The following TMEM63B variants were observed in gnomAD, a reference collection of about 807,000 sequenced individuals.
TMEM63B encodes the protein mechanosensitive cation channel TMEM63B.
A neutral mutation model predicts 102.6 loss-of-function variants in TMEM63B; 23 were observed. That is an observed-to-expected ratio of 0.22 (90% CI 0.16 to 0.32). The LOEUF is 0.32. Among genes scored for constraint, TMEM63B ranks in the 10% least tolerant of loss-of-function variants. TMEM63B has a pLI of 1.00. For missense variants in TMEM63B, 628 were observed against 1,095.9 expected, an observed-to-expected ratio of 0.57 and a Z score of 6.03; for synonymous variants, 444 against 437.0, an observed-to-expected ratio of 1.02 and a Z score of -0.20.
chr6:44,131,042 C>T (rs1392440375), intron 1 of TMEM63B, among the ~76,000 whole-genome samples: 4 of 151,846 alleles, frequency 2.6e-5, no homozygotes, highest in South Asian at 4.2e-4. Flanking sequence ...CTCAGCCTCC[C>T]GAGTAGCTGG....
chr6:44,141,804 A>C (rs1189397744), intron 10 of TMEM63B, among the ~76,000 whole-genome samples: 1 of 152,202 alleles, frequency 6.6e-6, no homozygotes, highest in African/African-American at 2.4e-5. Context: ...GTCATAAGTT[A>C]CTGTGGTGGG....
At chr6:44,142,092 C>A (rs1764383292) in intron 10 of TMEM63B, among the ~76,000 whole-genome samples, 1 of 150,456 alleles carries the variant, frequency 6.6e-6, no homozygotes, top group Non-Finnish European at 1.5e-5. Flanking sequence ...TGCACTCCAG[C>A]CTGGGTGACA....
chr6:44,153,158 A>G (rs1767135137), intron 20 of TMEM63B, among the ~76,000 whole-genome samples: 1 of 152,202 alleles, frequency 6.6e-6, no homozygotes, highest in South Asian at 2.1e-4. Flanking sequence ...TGACTTGGCC[A>G]GGTCTCTCTT....
chr6:44,142,101 C>T (rs1193455250), intron 10 of TMEM63B, among the ~76,000 whole-genome samples: 2 of 150,588 alleles, frequency 1.3e-5, no homozygotes, highest in Non-Finnish European at 3.0e-5. Flanking sequence ...GCCTGGGTGA[C>T]AGAGCAAGAC....
chr6:44,153,994 T>C lies in TMEM63B; in HGVS notation c.2111-79T>C. On this transcript the variant is annotated intron_variant, in intron 21 of 23. Transcript: ENST00000323267. ...CTGTAGCACCTGGGAGAGTGAGGAC[T>C]GCATTCAGAGGGTATCAGAAGCTGG... is the stretch of plus-strand genomic sequence containing the variant. The C allele has an allele frequency of 1.9e-6, 3 of 1,561,300 alleles. No individual in the cohort carries two copies. The South Asian group carries it at 3.4e-5, about 18-fold the overall frequency.
At chr6:44,136,539 T>C (rs1762990966) in intron 5 of TMEM63B, 100 bp downstream of exon 5, 1 of 835,142 alleles carries the variant, frequency 1.2e-6, no homozygotes, top group Admixed American at 2.1e-5. Flanking sequence ...TCAGGGATGC[T>C]GGTTTGGCCT....
Position 44,138,736 on chromosome 6 carries a change from G to GTCCCCCCCCCCCCCCCCC in TMEM63B, c.407+219_407+220insTCCCCCCCCCCCCCCCCC, listed in dbSNP as rs567563400. On this transcript the variant is annotated intron_variant, in intron 6 of 23. Coordinates refer to ENST00000323267, the MANE Select transcript of TMEM63B (RefSeq NM_018426.3). ...TAATCTCCTCTGTGACCCCCTGCCG[G>GTCCCCCCCCCCCCCCCCC]CCCCCCCGCTTCTCTCCCTGCCCTG... 38 of 288,710 alleles carry GTCCCCCCCCCCCCCCCCC rather than the reference G, an allele frequency of 1.3e-4. 2 individuals carry two copies. Among genetic ancestry groups the GTCCCCCCCCCCCCCCCCC allele is most frequent in the Admixed American group, 3.0e-4 (6 of 19,770 alleles). 17.9% of individuals were successfully genotyped at this position (288,710 alleles called of 1,614,324 possible).
At chr6:44,149,131 G>A in intron 15 of TMEM63B, 186 bp downstream of exon 15, 1 of 796,858 alleles carries the variant, frequency 1.3e-6, no homozygotes, top group Admixed American at 2.2e-5. Context: ...CCTGAGAGAG[G>A]CCACCCTCAG....
intron 18 of TMEM63B, 86 bp from the exon 19 acceptor site, chr6:44,151,759 AG>A: frequency 7.7e-6 from 11 of 1,425,854 alleles, no homozygotes; most frequent in Non-Finnish European, 1.0e-5. Context: ...TTGGTGGTGG[AG>A]GTGTTGGGTG....
intron 21 of TMEM63B, 97 bp downstream of exon 21, chr6:44,153,940 C>G (rs1047760067): frequency 6.4e-7 from 1 of 1,568,254 alleles, no homozygotes; most frequent in African/African-American, 1.3e-5. Flanking sequence ...GGGTGGCAGG[C>G]AAGGGGCCTG....
rs1765824473 is a variant in TMEM63B at position 44,148,169 on chromosome 6, G to A, written c.988-83G>A. On this transcript the variant is annotated intron_variant, in intron 12 of 23. Transcript: ENST00000323267. The surrounding 1 kb of genome is among the most constrained non-coding windows in gnomAD (Gnocchi z 5.1). ...AGGAGCAGTGCCTGGCTTGTAGGAA[G>A]CCCCAAGTCAGCGTGGGCTGGATGC... is the stretch of plus-strand genomic sequence containing the variant. The A allele has an allele frequency of 1.9e-6, 3 of 1,562,518 alleles. No individual in the cohort carries two copies. Among genetic ancestry groups the A allele is most frequent in the Non-Finnish European group, 2.6e-6 (3 of 1,156,412 alleles).
In TMEM63B at chr6:44,148,976, G is replaced by C; in HGVS notation, c.1413+31G>C. On this transcript the variant is annotated intron_variant, in intron 15 of 23. Coordinates refer to ENST00000323267, the MANE Select transcript of TMEM63B (RefSeq NM_018426.3). This position sits in a 1 kb window ranked among gnomAD's most constrained non-coding sequence, Gnocchi z 5.1. ...GCCTCATGCCCCTGTCACTTTCCAC[G>C]CTGGGTCACAACACACAGATACCAG... is the stretch of plus-strand genomic sequence containing the variant. The C allele has an allele frequency of 6.2e-7, 1 of 1,613,698 alleles. No homozygotes were observed. The highest frequency in any genetic ancestry group is 8.5e-7 in the Non-Finnish European group (1 of 1,179,924).
intron 4 of TMEM63B, among the ~76,000 whole-genome samples, chr6:44,135,639 G>C (rs1421214272): frequency 6.6e-6 from 1 of 152,192 alleles, no homozygotes; most frequent in African/African-American, 2.4e-5. Flanking sequence ...CTTGTTGGCT[G>C]GAGGGGAGGG....
At chr6:44,145,234 C>T (rs1582804148) in intron 10 of TMEM63B, among the ~76,000 whole-genome samples, 1 of 147,116 alleles carries the variant, frequency 6.8e-6, no homozygotes. Flanking sequence ...GAGATTGCAC[C>T]ACTGCACTCC....
Position 44,138,461 on chromosome 6 carries a change from C to T in TMEM63B, c.370-19C>T, listed in dbSNP as rs1763458940. ...TTGGTGGGCTGGGGACTCCCGCTGA[C>T]AGCCCTCTGTTCCCCCAGGGTTTCT... On this transcript the variant is annotated intron_variant, in intron 5 of 23. Coordinates refer to ENST00000323267, the MANE Select transcript of TMEM63B (RefSeq NM_018426.3). 1.9e-6 allele frequency: 3 copies of T among 1,613,866 alleles called. No individual in the cohort carries two copies. Among genetic ancestry groups the T allele is most frequent in the Non-Finnish European group, 2.5e-6 (3 of 1,179,968 alleles).
rs748031543 is a variant in TMEM63B, at chr6:44,148,615, C to T, written c.1224C>T (p.Thr408=). 19 of 1,614,104 alleles carry T rather than the reference C, an allele frequency of 1.2e-5. No homozygotes were observed. The highest frequency in any genetic ancestry group is 9.3e-5 in the African/African-American group (7 of 74,938). The stretch of plus-strand genomic sequence containing the variant: ...AGTCCCTGCACATCTCCAACTGGAC[C>T]GTGTCCTATGCCCCTGACCCTCAGA... ...CSESLHISNW[T]VSYAPDPQNI... is the part of the protein sequence containing the mutation. The change falls in exon 14 of 24, where the codon ACC becomes ACT. Residue 408 remains threonine (T), a synonymous_variant. Transcript: ENST00000323267. This position sits in a 1 kb window ranked among gnomAD's most constrained non-coding sequence, Gnocchi z 5.1.
intron 11 of TMEM63B, 22 bp from the exon 12 acceptor site, chr6:44,147,355 A>G: frequency 6.2e-7 from 1 of 1,614,090 alleles, no homozygotes; most frequent in Non-Finnish European, 8.5e-7. Flanking sequence ...GATGTAGGTG[A>G]CCAGGCATCT....
chr6:44,128,481 C>G (rs1027889006), intron 1 of TMEM63B, among the ~76,000 whole-genome samples: 2 of 152,250 alleles, frequency 1.3e-5, no homozygotes, highest in African/African-American at 4.8e-5. Context: ...CGGACAGTCC[C>G]AAAGCTTGGC....
Position 44,136,459 on chromosome 6 carries a change from A to G in TMEM63B, c.369+20A>G. ...GACAATGTGAGTGCCCTCCCCCCAA[A>G]CTTCTTAGTCCCCCACCCCACCCCC... is the stretch of plus-strand genomic sequence containing the variant. On this transcript the variant is annotated intron_variant, in intron 5 of 23. Coordinates refer to ENST00000323267, the MANE Select transcript of TMEM63B (RefSeq NM_018426.3). 1 of 1,573,064 alleles carries G rather than the reference A, an allele frequency of 6.4e-7. No individual in the cohort carries two copies. The highest frequency in any genetic ancestry group is 1.7e-4 in the Middle Eastern group (1 of 5,990).
Sources: allele counts gnomAD v4.1 joint callset (sites outside exome capture counted in the v4.1 genomes callset), GRCh38; gene constraint gnomAD v4.1.1; non-coding constraint Gnocchi (gnomAD v3.1); transcripts MANE v1.5; gene names NCBI Gene and HGNC (gene_info 2026-07-23, HGNC 2026-07-21).